Variants in CNTN5 observed in about 807,000 individuals in gnomAD.
CNTN5 encodes the protein contactin-5.
A neutral mutation model predicts 129.1 loss-of-function variants in CNTN5; 77 were observed. That is an observed-to-expected ratio of 0.60 (90% CI 0.50 to 0.72). The LOEUF (loss-of-function observed/expected upper bound fraction) is 0.72, where lower values mean the gene tolerates loss of function less well. Ranked by LOEUF, CNTN5 falls within the 30% of genes least tolerant of loss-of-function variation. CNTN5 has a pLI of 0.00. For synonymous variants in CNTN5, 509 were observed against 465.6 expected, an observed-to-expected ratio of 1.09 and a Z score of -1.20; for missense variants, 1,478 against 1,328.8, an observed-to-expected ratio of 1.11 and a Z score of -1.75.
chr11:99,331,669 T>C (rs997311145), intron 2 of CNTN5, among the ~76,000 whole-genome samples: 3 of 152,214 alleles, frequency 2.0e-5, no homozygotes, highest in Non-Finnish European at 2.9e-5. Context: ...CTTTCCAAGT[T>C]TGCAGTTTAA....
chr11:99,882,826 T>C (rs1948806667), intron 6 of CNTN5, among the ~76,000 whole-genome samples: 1 of 152,168 alleles, frequency 6.6e-6, no homozygotes, highest in South Asian at 2.1e-4. Flanking sequence ...GACTACTTTT[T>C]TTGTGCCCAT....
At chr11:100,315,318 A>G (rs1951554858) in intron 21 of CNTN5, among the ~76,000 whole-genome samples, 1 of 152,202 alleles carries the variant, frequency 6.6e-6, no homozygotes, top group Admixed American at 6.5e-5. Context: ...TTCATTTTTA[A>G]CTAACCCAAC....
chr11:99,226,071 A>T (rs1022654886), intron 1 of CNTN5, among the ~76,000 whole-genome samples: 7 of 152,244 alleles, frequency 4.6e-5, no homozygotes, highest in African/African-American at 1.7e-4. Flanking sequence ...CAAACTATTA[A>T]GCAAATTTAA....
chr11:100,350,907 C>G (rs753223566), intron 24 of CNTN5, 37 bp downstream of exon 24: 1 of 1,475,102 alleles, frequency 6.8e-7, no homozygotes, highest in South Asian at 1.4e-5. Context: ...TTGCTGACAA[C>G]CAACAATTAC....
chr11:99,181,379 G>C (rs1481211794), intron 1 of CNTN5, among the ~76,000 whole-genome samples: 2 of 152,302 alleles, frequency 1.3e-5, no homozygotes, highest in East Asian at 3.9e-4. Context: ...AAAATAGACT[G>C]TTTGGTTAAA....
chr11:100,050,972 A>G (rs1942922604), intron 9 of CNTN5, among the ~76,000 whole-genome samples: 1 of 152,140 alleles, frequency 6.6e-6, no homozygotes, highest in South Asian at 2.1e-4. Context: ...CAGGAAATTG[A>G]TATTTTACTA....
chr11:99,854,451 A>C (rs1947970584), intron 6 of CNTN5, among the ~76,000 whole-genome samples: 1 of 152,010 alleles, frequency 6.6e-6, no homozygotes, highest in Non-Finnish European at 1.5e-5. Context: ...TTAATATTCC[A>C]GGTAAAAAGG....
At chr11:99,343,800 C>A (rs1451332394) in intron 2 of CNTN5, among the ~76,000 whole-genome samples, 1 of 152,080 alleles carries the variant, frequency 6.6e-6, no homozygotes, top group East Asian at 1.9e-4. Flanking sequence ...ATAAATCAAT[C>A]AGATACTATG....
intron 4 of CNTN5, among the ~76,000 whole-genome samples, chr11:99,841,830 A>G (rs1947507467): frequency 1.4e-5 from 2 of 142,112 alleles, no homozygotes; most frequent in South Asian, 4.4e-4. Flanking sequence ...GTGTGTATAT[A>G]TATATACACA....
In CNTN5 at chr11:99,399,806, T is replaced by A. The variant is rs1336720829; in HGVS notation, c.-71+74322T>A. ...CAGATATTTGTTATTGTAAGCTTTG[T>A]TTTGTTTATTTTTATTTTTAATTTC... On this transcript the variant is annotated intron_variant, in intron 2 of 24. Transcript: ENST00000524871. Among the ~76,000 whole-genome samples the A allele has an allele frequency of 2.0e-5, 3 of 151,920 alleles. No individual in the cohort carries two copies. In the East Asian group the frequency reaches 5.8e-4, roughly 29 times the overall value.
chr11:99,733,436 A>G (rs749354716), intron 3 of CNTN5, among the ~76,000 whole-genome samples: 17 of 137,646 alleles, frequency 1.2e-4, no homozygotes, highest in Non-Finnish European at 2.1e-4. Flanking sequence ...GGCTGTTTAG[A>G]ACATGGTTTG....
intron 16 of CNTN5, chr11:100,225,078 G>T: frequency 4.2e-6 from 1 of 236,670 alleles, no homozygotes; most frequent in Non-Finnish European, 8.4e-6. Flanking sequence ...CTAATGCCAA[G>T]GAAATAATCT....
At chr11:99,939,922 T>G (rs1950397494) in intron 7 of CNTN5, among the ~76,000 whole-genome samples, 1 of 152,192 alleles carries the variant, frequency 6.6e-6, no homozygotes, top group Non-Finnish European at 1.5e-5. Context: ...CTTTTATCTG[T>G]TGATCTATCT....
intron 9 of CNTN5, among the ~76,000 whole-genome samples, chr11:100,038,618 T>G (rs1051172213): frequency 2.0e-5 from 3 of 152,120 alleles, no homozygotes; most frequent in Non-Finnish European, 4.4e-5. Flanking sequence ...TCTTTGTAGG[T>G]CACTAAGGAC....
At chr11:99,135,096 T>C (rs373279762) in intron 1 of CNTN5, among the ~76,000 whole-genome samples, 4 of 152,218 alleles carry the variant, frequency 2.6e-5, no homozygotes, top group Admixed American at 2.0e-4. Flanking sequence ...AAACCTCTTG[T>C]ATGTCAGTTC....
At chr11:99,841,892 ATATATT>A (rs1565593230) in intron 4 of CNTN5, among the ~76,000 whole-genome samples, 2 of 57,932 alleles carry the variant, frequency 3.5e-5, no homozygotes, top group Non-Finnish European at 6.6e-5. Context: ...ATACATATAT[ATATATT>A]TTTTTTTTAT....
chr11:99,223,255 T>C (rs1238191050), intron 1 of CNTN5, among the ~76,000 whole-genome samples: 1 of 152,198 alleles, frequency 6.6e-6, no homozygotes, highest in Non-Finnish European at 1.5e-5. Context: ...ACAGCTATTA[T>C]GTCAGTAGCA....
At chr11:99,695,608 C>T (rs1388515458) in intron 3 of CNTN5, among the ~76,000 whole-genome samples, 1 of 151,890 alleles carries the variant, frequency 6.6e-6, no homozygotes, top group Non-Finnish European at 1.5e-5. Flanking sequence ...ACACTAAGGG[C>T]CAGGCACGGT....
chr11:99,412,555 A>T (rs562191106), intron 2 of CNTN5, among the ~76,000 whole-genome samples: 3 of 152,328 alleles, frequency 2.0e-5, no homozygotes, highest in African/African-American at 7.2e-5. Context: ...AGTACTATGC[A>T]CCAGCTACTC....
Sources: gnomAD v4.1 joint callset for allele counts (sites outside exome capture counted in the v4.1 genomes callset) on GRCh38, gnomAD v4.1.1 for gene constraint, MANE v1.5 for transcripts, NCBI Gene and HGNC (gene_info 2026-07-23, HGNC 2026-07-21) for gene names.